ME3: variants seen among roughly 807,000 people sequenced by gnomAD.
ME3 encodes NADP-dependent malic enzyme, mitochondrial.
ME3 carries 48 observed loss-of-function variants against 68.9 expected under a neutral mutation model. That is an observed-to-expected ratio of 0.70 (90% CI 0.55 to 0.89). The LOEUF (loss-of-function observed/expected upper bound fraction) is 0.89, where lower values mean the gene tolerates loss of function less well. Among genes scored for constraint, ME3 ranks in the 40% least tolerant of loss-of-function variants. The pLI is 0.00. For missense variants in ME3, 675 were observed against 797.4 expected, an observed-to-expected ratio of 0.85 and a Z score of 1.85; for synonymous variants, 320 against 318.8, an observed-to-expected ratio of 1.00 and a Z score of -0.04.
chr11:86,562,423 G>T (rs1957280543), intron 2 of ME3, among the ~76,000 whole-genome samples: 1 of 152,112 alleles, frequency 6.6e-6, no homozygotes, highest in Admixed American at 6.5e-5. Flanking sequence ...GCAACTGCTG[G>T]ATCATATGGT....
At chr11:86,520,561 A>G (rs1202195608) in intron 4 of ME3, among the ~76,000 whole-genome samples, 1 of 12,094 alleles carries the variant, frequency 8.3e-5, no homozygotes, top group Non-Finnish European at 1.7e-4. Context: ...ACAGAGTGCT[A>G]GAGAGCTGCA....
chr11:86,639,657 T>C (rs1442073749), intron 2 of ME3, among the ~76,000 whole-genome samples: 1 of 152,216 alleles, frequency 6.6e-6, no homozygotes, highest in Non-Finnish European at 1.5e-5. Context: ...CTCAGTTGTG[T>C]TGATCTTGAT....
At chr11:86,452,707 A>G (rs551721560) in intron 8 of ME3, among the ~76,000 whole-genome samples, 1 of 152,354 alleles carries the variant, frequency 6.6e-6, no homozygotes, top group Admixed American at 6.5e-5. Flanking sequence ...ATATAATGGT[A>G]CACATGGGCT....
intron 4 of ME3, among the ~76,000 whole-genome samples, chr11:86,525,980 G>C (rs1954712360): frequency 6.6e-6 from 1 of 152,188 alleles, no homozygotes; most frequent in Non-Finnish European, 1.5e-5. Context: ...TTCCAACTGA[G>C]GTACCGAGTT....
intron 2 of ME3, among the ~76,000 whole-genome samples, chr11:86,602,787 A>G (rs1176225412): frequency 6.6e-6 from 1 of 152,182 alleles, no homozygotes; most frequent in Non-Finnish European, 1.5e-5. Flanking sequence ...GCACTCAGAA[A>G]TAACGCCACA....
At chr11:86,541,320 G>A (rs760585406) in intron 4 of ME3, among the ~76,000 whole-genome samples, 2 of 152,152 alleles carry the variant, frequency 1.3e-5, no homozygotes, top group East Asian at 1.9e-4. Flanking sequence ...CTGGAAAGGG[G>A]GCTGAAGCCA....
At chr11:86,455,009 C>T (rs1012889772) in intron 8 of ME3, among the ~76,000 whole-genome samples, 2 of 152,338 alleles carry the variant, frequency 1.3e-5, no homozygotes, top group South Asian at 2.1e-4. Flanking sequence ...CATCAGAAGG[C>T]GGGACTCTAT....
At chr11:86,566,379 T>G (rs1957480969) in intron 2 of ME3, among the ~76,000 whole-genome samples, 1 of 152,206 alleles carries the variant, frequency 6.6e-6, no homozygotes, top group Non-Finnish European at 1.5e-5. Context: ...CCAGATTTCC[T>G]TGGGGAAAGG....
At chr11:86,663,981 G>A (rs761860953) in intron 2 of ME3, among the ~76,000 whole-genome samples, 1 of 152,228 alleles carries the variant, frequency 6.6e-6, no homozygotes, top group African/African-American at 2.4e-5. Flanking sequence ...ACTGCTTTTA[G>A]AACAGGCAGC....
At chr11:86,483,365 A>T (rs562153753) in intron 7 of ME3, among the ~76,000 whole-genome samples, 231 of 152,308 alleles carry the variant, frequency 1.5e-3, no homozygotes, top group African/African-American at 5.4e-3. Flanking sequence ...GGTAACATTA[A>T]GGAGTGGGCC....
intron 2 of ME3, among the ~76,000 whole-genome samples, chr11:86,575,083 A>G (rs1958026364): frequency 6.8e-6 from 1 of 147,058 alleles, no homozygotes; most frequent in African/African-American, 2.6e-5. Context: ...AGTCATAGTA[A>G]AAAAGGCATC....
intron 2 of ME3, among the ~76,000 whole-genome samples, chr11:86,599,838 A>C (rs1366056402): frequency 6.6e-6 from 1 of 152,174 alleles, no homozygotes; most frequent in Admixed American, 6.5e-5. Flanking sequence ...AGAATTTCAT[A>C]TCCAGCCAAA....
At chr11:86,521,431 A>AAAAAT (rs1271326906) in intron 4 of ME3, among the ~76,000 whole-genome samples, 3 of 145,924 alleles carry the variant, frequency 2.1e-5, no homozygotes, top group African/African-American at 7.7e-5. Context: ...AACAAAACAA[A>AAAAAT]AATAATAATA....
intron 4 of ME3, among the ~76,000 whole-genome samples, chr11:86,555,240 G>T (rs998441957): frequency 6.6e-6 from 1 of 152,196 alleles, no homozygotes; most frequent in African/African-American, 2.4e-5. Context: ...TGTTGGGCTT[G>T]ATTCTTTAAG....
chr11:86,535,376 G>A (rs1243421971), intron 4 of ME3, among the ~76,000 whole-genome samples: 2 of 152,114 alleles, frequency 1.3e-5, no homozygotes, highest in African/African-American at 2.4e-5. Flanking sequence ...GCAGCAGCAG[G>A]CCAGGGCAAT....
At chr11:86,605,681 G>T (rs1482293705) in intron 2 of ME3, among the ~76,000 whole-genome samples, 1 of 151,962 alleles carries the variant, frequency 6.6e-6, no homozygotes, top group Admixed American at 6.6e-5. Flanking sequence ...TTTATTTTAG[G>T]CTCTGTTTAA....
At chr11:86,541,137 A>G (rs1437398181) in intron 4 of ME3, among the ~76,000 whole-genome samples, 1 of 150,190 alleles carries the variant, frequency 6.7e-6, no homozygotes, top group Non-Finnish European at 1.5e-5. Context: ...ACTGTCTTCA[A>G]AACCTTCAGA....
At chr11:86,532,652 A>G (rs986216157) in intron 4 of ME3, among the ~76,000 whole-genome samples, 5 of 152,238 alleles carry the variant, frequency 3.3e-5, no homozygotes, top group African/African-American at 1.2e-4. Context: ...AAAAAGGGAA[A>G]TTTAAAAATA....
chr11:86,469,270 A>C (rs981087050), intron 7 of ME3, among the ~76,000 whole-genome samples: 1 of 152,178 alleles, frequency 6.6e-6, no homozygotes, highest in African/African-American at 2.4e-5. Context: ...CTGGAATTGA[A>C]TACTAGAAGC....
Sources: gnomAD v4.1 joint callset for allele counts (sites outside exome capture counted in the v4.1 genomes callset) on GRCh38, gnomAD v4.1.1 for gene constraint, MANE v1.5 for transcripts, NCBI Gene and HGNC (gene_info 2026-07-23, HGNC 2026-07-21) for gene names.